PTPRT: variants seen among roughly 807,000 people sequenced by gnomAD.
PTPRT encodes receptor-type tyrosine-protein phosphatase T.
Under a neutral mutation model 176.8 loss-of-function variants are expected in PTPRT, and 56 were observed. The ratio of observed to expected loss-of-function variants is 0.32; its 90% CI spans 0.26 to 0.40. The LOEUF is 0.40. Among genes scored for constraint, PTPRT ranks in the 10% least tolerant of loss-of-function variants. PTPRT has a pLI of 1.00. For missense variants in PTPRT, 1,540 were observed against 1,908.2 expected, an observed-to-expected ratio of 0.81 and a Z score of 3.60; for synonymous variants, 783 against 739.0, an observed-to-expected ratio of 1.06 and a Z score of -0.96.
intron 14 of PTPRT, among the ~76,000 whole-genome samples, chr20:42,245,928 G>A (rs949071695): frequency 6.6e-6 from 1 of 152,210 alleles, no homozygotes; most frequent in African/African-American, 2.4e-5. Flanking sequence ...CAGTGGAGGG[G>A]TTGTAGCAGT....
At chr20:42,143,610 C>T (rs926447858) in intron 17 of PTPRT, among the ~76,000 whole-genome samples, 3 of 151,534 alleles carry the variant, frequency 2.0e-5, no homozygotes, top group African/African-American at 7.3e-5. Context: ...ATGATGGTAC[C>T]TTGGACTCTT....
At chr20:42,870,639 T>C (rs142061587) in intron 2 of PTPRT, among the ~76,000 whole-genome samples, 2 of 152,362 alleles carry the variant, frequency 1.3e-5, no homozygotes, top group African/African-American at 4.8e-5. Context: ...GTTCACACAA[T>C]GATGAAATTG....
intron 15 of PTPRT, among the ~76,000 whole-genome samples, chr20:42,206,836 G>T (rs1844063092): frequency 6.6e-6 from 1 of 152,240 alleles, no homozygotes; most frequent in African/African-American, 2.4e-5. Flanking sequence ...ACCTCTGGGG[G>T]CAGGGCACAG....
chr20:42,319,708 G>A (rs779730553), intron 11 of PTPRT, among the ~76,000 whole-genome samples: 2 of 152,154 alleles, frequency 1.3e-5, no homozygotes, highest in Non-Finnish European at 2.9e-5. Flanking sequence ...AAAGGGTGGG[G>A]GAAAGAAACA....
intron 12 of PTPRT, among the ~76,000 whole-genome samples, chr20:42,304,512 G>T (rs1170635667): frequency 1.3e-5 from 2 of 152,078 alleles, no homozygotes; most frequent in African/African-American, 4.8e-5. Context: ...TCCAAAAGAA[G>T]AAGAGACTCA....
At chr20:42,446,913 A>T (rs2070743670) in intron 9 of PTPRT, among the ~76,000 whole-genome samples, 1 of 152,090 alleles carries the variant, frequency 6.6e-6, no homozygotes, top group African/African-American at 2.4e-5. Context: ...TGCAACTTCT[A>T]AGAGGGAGAT....
At chr20:42,114,557 G>A (rs1987174421) in intron 22 of PTPRT, among the ~76,000 whole-genome samples, 1 of 152,154 alleles carries the variant, frequency 6.6e-6, no homozygotes, top group African/African-American at 2.4e-5. Flanking sequence ...CGACACTACT[G>A]ATGCCTTGGG....
At chr20:42,277,117 C>A (rs1251511917) in intron 13 of PTPRT, among the ~76,000 whole-genome samples, 1 of 152,118 alleles carries the variant, frequency 6.6e-6, no homozygotes, top group Non-Finnish European at 1.5e-5. Context: ...CCAAGCAGAA[C>A]AAAACTACTG....
At position 42,276,554 on chromosome 20, in the gene PTPRT, T is replaced by TATATATTTATATAA. The variant is rs2057041912; in HGVS notation, c.2176+5934_2176+5935insTTATATAAATATAT. On this transcript the variant is annotated intron_variant, in intron 13 of 30. Transcript: ENST00000373187. ...ATATATATATATATATATATATATA[T>TATATATTTATATAA]ATATAATGTTCTTGAATACTTGGTA... 8.9e-5 allele frequency among the ~76,000 whole-genome samples: 8 copies of TATATATTTATATAA among 89,884 alleles called. 1 individual carries two copies. The East Asian group carries it at 9.7e-4, about 11-fold the overall frequency. 59.0% of individuals were successfully genotyped at this position (89,884 alleles called of 152,430 possible). A position where few individuals can be genotyped will look rare whatever the true frequency, so the allele number is the denominator to read the frequency against.
chr20:42,439,376 GCA>G (rs2059291886), intron 9 of PTPRT, among the ~76,000 whole-genome samples: 1 of 152,220 alleles, frequency 6.6e-6, no homozygotes, highest in Non-Finnish European at 1.5e-5. Context: ...CATCAGAGTT[GCA>G]AGATGCCATT....
chr20:42,251,392 G>A (rs1474167985), intron 13 of PTPRT, among the ~76,000 whole-genome samples: 2 of 152,106 alleles, frequency 1.3e-5, no homozygotes, highest in African/African-American at 4.8e-5. Context: ...TGGTGATACA[G>A]TGGTGAGCAA....
intron 16 of PTPRT, among the ~76,000 whole-genome samples, chr20:42,194,247 G>T (rs367664109): frequency 6.6e-6 from 1 of 152,206 alleles, no homozygotes; most frequent in African/African-American, 2.4e-5. Flanking sequence ...ACAGCACAGG[G>T]GTAGGCATGT....
chr20:42,128,469 G>GTGAA (rs570163368), intron 19 of PTPRT, among the ~76,000 whole-genome samples: 220 of 152,194 alleles, frequency 1.4e-3, no homozygotes, highest in Admixed American at 2.3e-3. Flanking sequence ...ATGCGTTTAT[G>GTGAA]TGAATGAATG....
intron 17 of PTPRT, among the ~76,000 whole-genome samples, chr20:42,154,874 C>T (rs1297156092): frequency 1.3e-5 from 2 of 152,024 alleles, no homozygotes; most frequent in African/African-American, 2.4e-5. Flanking sequence ...GGGAAGCAGG[C>T]TGGGGAGGAG....
At chr20:42,489,153 A>C (rs1040919717) in intron 7 of PTPRT, among the ~76,000 whole-genome samples, 1 of 151,578 alleles carries the variant, frequency 6.6e-6, no homozygotes, top group Non-Finnish European at 1.5e-5. Flanking sequence ...CACAACCTGC[A>C]GGTTAGTTAC....
At chr20:42,070,687 T>C (rs6102658), downstream of PTPRT, among the ~76,000 whole-genome samples, 1 of 152,004 alleles carries the variant, frequency 6.6e-6, no homozygotes, top group South Asian at 2.1e-4. Flanking sequence ...ACGTAGAATA[T>C]GTTTATGCAT....
chr20:42,661,684 T>C (rs1202247971), intron 7 of PTPRT, among the ~76,000 whole-genome samples: 4 of 152,196 alleles, frequency 2.6e-5, no homozygotes, highest in Non-Finnish European at 4.4e-5. Flanking sequence ...TGGATTCCCA[T>C]TGACCTTCGA....
chr20:43,184,329 C>T (rs1469513774), intron 1 of PTPRT, among the ~76,000 whole-genome samples: 1 of 152,144 alleles, frequency 6.6e-6, no homozygotes, highest in African/African-American at 2.4e-5. Flanking sequence ...GGTTTCTGCA[C>T]AGCCCTTCCG....
the PTPRT span, among the ~76,000 whole-genome samples, chr20:42,035,503 C>G: frequency 6.6e-6 from 1 of 152,122 alleles, no homozygotes; most frequent in African/African-American, 2.4e-5. Flanking sequence ...CACAGAGACC[C>G]TCAGCCTAGA....
Sources: allele counts gnomAD v4.1 joint callset (sites outside exome capture counted in the v4.1 genomes callset), GRCh38; gene constraint gnomAD v4.1.1; transcripts MANE v1.5; gene names NCBI Gene and HGNC (gene_info 2026-07-23, HGNC 2026-07-21).